The following OPCML variants were observed in gnomAD, a reference collection of about 807,000 sequenced individuals.
OPCML encodes the protein opioid binding protein/cell adhesion molecule like.
Under a neutral mutation model 37.8 loss-of-function variants are expected in OPCML, and 13 were observed. The ratio of observed to expected loss-of-function variants is 0.34; its 90% CI spans 0.22 to 0.55. The LOEUF (loss-of-function observed/expected upper bound fraction) is 0.55, where lower values mean the gene tolerates loss of function less well. Among genes scored for constraint, OPCML ranks in the 20% least tolerant of loss-of-function variants. OPCML has a pLI of 0.91. For missense variants in OPCML, 341 were observed against 435.6 expected (o/e 0.78, Z 1.93); for synonymous variants, 176 against 168.8 (o/e 1.04, Z -0.33).
chr11:132,956,642 C>T (rs905798782), intron 1 of OPCML, among the ~76,000 whole-genome samples: 1 of 152,170 alleles, frequency 6.6e-6, no homozygotes, highest in African/African-American at 2.4e-5. Context: ...CACCACCACA[C>T]TTATGTTAGA....
chr11:133,010,995 G>T (rs942881704), intron 1 of OPCML, among the ~76,000 whole-genome samples: 10 of 152,198 alleles, frequency 6.6e-5, no homozygotes, highest in Non-Finnish European at 1.2e-4. Flanking sequence ...ATAATTGGTA[G>T]TACACTATCT....
intron 1 of OPCML, among the ~76,000 whole-genome samples, chr11:133,233,024 G>C (rs1290417061): frequency 6.6e-6 from 1 of 152,142 alleles, no homozygotes; most frequent in Non-Finnish European, 1.5e-5. Flanking sequence ...GACTTTTTTG[G>C]GGGGTGGGTC....
chr11:132,562,709 G>T (rs779430624), intron 3 of OPCML, among the ~76,000 whole-genome samples: 1 of 152,002 alleles, frequency 6.6e-6, no homozygotes, highest in Non-Finnish European at 1.5e-5. Context: ...TTTTGATGTG[G>T]GTGGGTCCTG....
chr11:133,255,273 T>C (rs1387838761), intron 1 of OPCML, among the ~76,000 whole-genome samples: 4 of 152,174 alleles, frequency 2.6e-5, no homozygotes, highest in African/African-American at 9.6e-5. Context: ...CCAGTCCTGC[T>C]GTCTGGAGAG....
At chr11:133,522,531 G>A (rs1408250642) in intron 1 of OPCML, among the ~76,000 whole-genome samples, 2 of 152,192 alleles carry the variant, frequency 1.3e-5, no homozygotes, top group Non-Finnish European at 2.9e-5. Context: ...AGGGAGCTTG[G>A]AGCTACCTTG....
chr11:132,925,997 C>T (rs566734439), intron 2 of OPCML, among the ~76,000 whole-genome samples: 4 of 152,242 alleles, frequency 2.6e-5, no homozygotes, highest in African/African-American at 7.2e-5. Flanking sequence ...CCTTGCCATC[C>T]CTGTCCCTGG....
chr11:132,701,837 G>A (rs1044633515), intron 2 of OPCML, among the ~76,000 whole-genome samples: 7 of 143,422 alleles, frequency 4.9e-5, no homozygotes, highest in African/African-American at 1.8e-4. Context: ...TTTATCTTTT[G>A]TGTATCTACT....
intron 1 of OPCML, among the ~76,000 whole-genome samples, chr11:133,266,789 C>T (rs1357683049): frequency 6.6e-6 from 1 of 152,132 alleles, no homozygotes; most frequent in Non-Finnish European, 1.5e-5. Context: ...CAAGCCAGAA[C>T]AATGTGGTTA....
chr11:133,170,826 C>T (rs1171063662), intron 1 of OPCML, among the ~76,000 whole-genome samples: 1 of 152,170 alleles, frequency 6.6e-6, no homozygotes, highest in African/African-American at 2.4e-5. Context: ...GGAGCTGGAT[C>T]CTGGTAAAGC....
In OPCML at chr11:133,380,162, G is replaced by A. The variant is rs561645666; in HGVS notation, c.61+152102C>T. On this transcript the variant is annotated intron_variant, in intron 1 of 7. Transcript: ENST00000524381. Reference sequence around the variant, plus strand: ...ATGACTGGCCAGAATACAAGCAGGGGTTCAAGCAAAATGAAATGGTATCAT... The same window carrying A: ...ATGACTGGCCAGAATACAAGCAGGGATTCAAGCAAAATGAAATGGTATCAT... Among the ~76,000 whole-genome samples, 80 of 152,226 alleles carry A rather than the reference G, an allele frequency of 5.3e-4. 1 individual carries two copies. The South Asian group carries it at 0.016, about 31-fold the overall frequency.
rs745764320 is a variant in OPCML, at chr11:132,529,201, G to C, written c.380-15C>G. On this transcript the variant is annotated splice_polypyrimidine_tract_variant and intron_variant, in intron 3 of 7. Coordinates refer to ENST00000524381, the MANE Select transcript of OPCML (RefSeq NM_001012393.5). ...CTGAGGAGGAACTGTAAGGAAACAG[G>C]ATAGAAGAAATACCTGAGAATAATT... 4 of 1,596,864 alleles carry C rather than the reference G, an allele frequency of 2.5e-6. No homozygotes were observed. The East Asian group carries it at 6.8e-5, about 27-fold the overall frequency.
At chr11:132,843,348 C>T (rs955487651) in intron 2 of OPCML, among the ~76,000 whole-genome samples, 4 of 152,036 alleles carry the variant, frequency 2.6e-5, no homozygotes, top group Admixed American at 2.6e-4. Context: ...ATCCACCCGC[C>T]TTGGCCTCCC....
chr11:133,337,941 G>T (rs1022915330), intron 1 of OPCML, among the ~76,000 whole-genome samples: 1 of 151,880 alleles, frequency 6.6e-6, no homozygotes, highest in African/African-American at 2.4e-5. Context: ...TCCTGCTTGG[G>T]AGGGCTTTCA....
intron 1 of OPCML, among the ~76,000 whole-genome samples, chr11:133,088,781 A>C (rs1271948467): frequency 6.6e-6 from 1 of 152,164 alleles, no homozygotes; most frequent in African/African-American, 2.4e-5. Context: ...AGAATGGTCT[A>C]AATGTTTTGG....
chr11:132,671,054 C>T (rs1168815264), intron 2 of OPCML, among the ~76,000 whole-genome samples: 4 of 152,134 alleles, frequency 2.6e-5, no homozygotes, highest in Non-Finnish European at 5.9e-5. Context: ...TTGATTCATC[C>T]TGTGCCATCC....
intron 1 of OPCML, among the ~76,000 whole-genome samples, chr11:133,380,061 G>C (rs1354132020): frequency 6.6e-6 from 1 of 152,176 alleles, no homozygotes; most frequent in Non-Finnish European, 1.5e-5. Context: ...GCTAAGTTCT[G>C]AAATACAAAG....
At chr11:133,478,957 T>G (rs1344559203) in intron 1 of OPCML, among the ~76,000 whole-genome samples, 2 of 152,182 alleles carry the variant, frequency 1.3e-5, no homozygotes, top group African/African-American at 4.8e-5. Flanking sequence ...CTTTGTAGCA[T>G]TTTTCTCTTG....
At chr11:133,085,764 A>C (rs536391024) in intron 1 of OPCML, among the ~76,000 whole-genome samples, 10 of 152,374 alleles carry the variant, frequency 6.6e-5, no homozygotes, top group South Asian at 2.1e-4. Flanking sequence ...CTAAATAGGC[A>C]TTCTAGGTTG....
At chr11:133,233,541 C>A (rs1940379280) in intron 1 of OPCML, among the ~76,000 whole-genome samples, 1 of 152,214 alleles carries the variant, frequency 6.6e-6, no homozygotes, top group Non-Finnish European at 1.5e-5. Flanking sequence ...AACAACCCAA[C>A]TAAAACACCC....
Sources: allele counts gnomAD v4.1 joint callset (sites outside exome capture counted in the v4.1 genomes callset), GRCh38; gene constraint gnomAD v4.1.1; transcripts MANE v1.5; gene names NCBI Gene and HGNC (gene_info 2026-07-23, HGNC 2026-07-21).